Variants in DORIP1 observed in about 807,000 individuals in gnomAD.
DORIP1 encodes the protein dopamine receptor interacting protein 1, also known as dopamine receptor-interacting protein 1.
At chr14:44,901,812 G>C in the DORIP1 span, among the ~76,000 whole-genome samples, 1 of 152,160 alleles carries the variant, frequency 6.6e-6, no homozygotes, top group Non-Finnish European at 1.5e-5. Flanking sequence ...GACTAGGAAA[G>C]GTGCAAGGAG....
chr14:44,897,674 G>C, the DORIP1 span: 2 of 152,906 alleles, frequency 1.3e-5, no homozygotes, highest in African/African-American at 4.8e-5. Context: ...CACTCGGCGG[G>C]GCACTGCCCG....
chr14:44,899,688 TTTC>T, the DORIP1 span, among the ~76,000 whole-genome samples: 1 of 152,062 alleles, frequency 6.6e-6, no homozygotes, highest in Admixed American at 6.6e-5. Context: ...ATTATATTAG[TTTC>T]TTAAGTGGAA....
the DORIP1 span, chr14:44,904,264 T>C: frequency 7.0e-7 from 1 of 1,419,432 alleles, no homozygotes; most frequent in Non-Finnish European, 9.2e-7. Context: ...CCTATAACTA[T>C]AGGTATTAAC....
the DORIP1 span, chr14:44,907,095 A>C: frequency 6.6e-6 from 1 of 152,632 alleles, no homozygotes; most frequent in Non-Finnish European, 1.5e-5. Flanking sequence ...CCTAATGCAG[A>C]TTTATTCTTT....
the DORIP1 span, chr14:44,903,746 G>A: frequency 1.0e-6 from 1 of 964,800 alleles, no homozygotes; most frequent in Middle Eastern, 5.3e-4. Flanking sequence ...TGATCTTATT[G>A]CTGATTAATT....
chr14:44,897,422 A>T, the DORIP1 span: 1 of 186,120 alleles, frequency 5.4e-6, no homozygotes, highest in Admixed American at 6.5e-5. Context: ...AGAGCCCAGA[A>T]CTCACGCCGG....
the DORIP1 span, chr14:44,905,470 G>T: frequency 6.4e-7 from 1 of 1,566,226 alleles, no homozygotes; most frequent in South Asian, 1.2e-5. Flanking sequence ...GCTCAGAAAT[G>T]TGAATTTAAT....
At chr14:44,903,330 T>C in the DORIP1 span, 1 of 1,579,044 alleles carries the variant, frequency 6.3e-7, no homozygotes. Flanking sequence ...AATGACAGTA[T>C]GTATGTGTTT....
the DORIP1 span, chr14:44,901,059 A>G: frequency 8.5e-7 from 1 of 1,179,412 alleles, no homozygotes; most frequent in Non-Finnish European, 1.2e-6. Flanking sequence ...TGGGTCAACA[A>G]AGGACCACAT....
At chr14:44,898,630 A>T in the DORIP1 span, among the ~76,000 whole-genome samples, 17,026 of 152,268 alleles carry the variant, frequency 0.11, 2,771 homozygotes, top group African/African-American at 0.36. Context: ...AAACAAAACG[A>T]ATCAGTATCT....
the DORIP1 span, chr14:44,903,116 C>T: frequency 1.1e-6 from 1 of 880,616 alleles, no homozygotes; most frequent in Non-Finnish European, 1.8e-6. Flanking sequence ...ACTGGTTTTG[C>T]TAATAAAGGA....
At chr14:44,904,681 C>G in the DORIP1 span, 5 of 854,290 alleles carry the variant, frequency 5.9e-6, no homozygotes, top group Admixed American at 3.5e-5. Flanking sequence ...GAATTTATTA[C>G]AGAGAGTCAG....
chr14:44,905,582 C>T, the DORIP1 span: 1,022 of 1,407,374 alleles, frequency 7.3e-4, 6 homozygotes, highest in African/African-American at 0.01. Flanking sequence ...TGTTTTCCCT[C>T]CTGCCCATGC....
the DORIP1 span, chr14:44,904,540 T>C: frequency 1.3e-6 from 2 of 1,564,676 alleles, no homozygotes; most frequent in Admixed American, 2.0e-5. Context: ...GTAGGTGTTT[T>C]TGTTGTTGTT....
chr14:44,904,583 GTTATA>G, the DORIP1 span: 14 of 1,478,826 alleles, frequency 9.5e-6, no homozygotes, highest in East Asian at 4.8e-5. Context: ...AATTTATCCT[GTTATA>G]TTATGATTTT....
chr14:44,899,806 C>A, the DORIP1 span, among the ~76,000 whole-genome samples: 1 of 131,388 alleles, frequency 7.6e-6, no homozygotes, highest in Non-Finnish European at 1.6e-5. Context: ...TTTTTAATAG[C>A]TTTATTTTCA....
At chr14:44,903,317 T>G in the DORIP1 span, 3 of 1,594,022 alleles carry the variant, frequency 1.9e-6, no homozygotes, top group Non-Finnish European at 2.6e-6. Context: ...AATAGACATT[T>G]AAAATGACAG....
the DORIP1 span, among the ~76,000 whole-genome samples, chr14:44,901,485 A>G: frequency 5.3e-5 from 8 of 152,246 alleles, no homozygotes; most frequent in Non-Finnish European, 1.2e-4. Context: ...TCTTATAATT[A>G]CTTTACAAAA....
At chr14:44,900,507 G>A in the DORIP1 span, 6 of 1,591,054 alleles carry the variant, frequency 3.8e-6, no homozygotes, top group South Asian at 1.2e-5. Context: ...CATTTTGTAG[G>A]CCTGTTCTTC....
Sources: gnomAD v4.1 joint callset for allele counts (sites outside exome capture counted in the v4.1 genomes callset) on GRCh38, gnomAD v4.1.1 for gene constraint, MANE v1.5 for transcripts, NCBI Gene and HGNC (gene_info 2026-07-23, HGNC 2026-07-21) for gene names.